The following MMP21 variants were observed in gnomAD, a reference collection of about 807,000 sequenced individuals.
The protein encoded by MMP21 is matrix metalloproteinase-21.
A neutral mutation model predicts 47.8 loss-of-function variants in MMP21; 40 were observed. The ratio of observed to expected loss-of-function variants is 0.84; its 90% confidence interval spans 0.65 to 1.09. The LOEUF (loss-of-function observed/expected upper bound fraction) is 1.09, where lower values mean the gene tolerates loss of function less well. MMP21 is among the 50% of genes least tolerant of loss of function. The pLI, the probability that MMP21 is intolerant of heterozygous loss-of-function variation, is 0.00. For synonymous variants in MMP21, 341 were observed against 318.0 expected (o/e 1.07, Z -0.77); for missense variants, 747 against 775.3 (o/e 0.96, Z 0.43).
At chr10:125,770,809 TCAAGAC>T (rs1394598160) in intron 4 of MMP21, among the ~76,000 whole-genome samples, 1 of 149,390 alleles carries the variant, frequency 6.7e-6, no homozygotes, top group Non-Finnish European at 1.5e-5. Context: ...TTGCTTGAGT[TCAAGAC>T]CAGCCTGGGC....
At chr10:125,768,818 C>G (rs553694105) in intron 5 of MMP21, among the ~76,000 whole-genome samples, 1 of 152,338 alleles carries the variant, frequency 6.6e-6, no homozygotes, top group South Asian at 2.1e-4. Flanking sequence ...TCTTAAAACC[C>G]TGAAAGATGT....
Position 125,770,663 on chromosome 10 carries a change from T to A in MMP21, c.980-72A>T. On this transcript the variant is annotated intron_variant, in intron 4 of 6. Transcript: ENST00000368808. ...AAAACTTATATTTTCATATGTGACT[T>A]GAATGAAGACAGTTGCAAAGCTGGG... is the stretch of plus-strand genomic sequence containing the variant. The A allele has an allele frequency of 3.9e-6, 6 of 1,534,074 alleles. No homozygotes were observed. In the South Asian group the frequency reaches 7.3e-5, roughly 19 times the overall value.
rs750254716 is a variant in MMP21 at position 125,772,171 on chromosome 10, TAC to T, written c.979+45_979+46del. 2 of 1,607,708 alleles carry T rather than the reference TAC, an allele frequency of 1.2e-6. No homozygotes were observed. The highest frequency in any genetic ancestry group is 1.7e-6 in the Non-Finnish European group (2 of 1,175,374). On this transcript the variant is annotated intron_variant, in intron 4 of 6. Transcript: ENST00000368808. The surrounding 1 kb of genome is among the most constrained non-coding windows in gnomAD (Gnocchi z 5.6). ...AGCGGGGTCCTACAGTGCTCTGGAA[TAC>T]AGTGTCCTCCGCTAGCTCAGGGATG...
chr10:125,771,650 A>G (rs568473089), intron 4 of MMP21, among the ~76,000 whole-genome samples: 1 of 152,148 alleles, frequency 6.6e-6, no homozygotes, highest in South Asian at 2.1e-4. Flanking sequence ...GAATCCGCCC[A>G]CCTTGGCCTC....
In MMP21 at chr10:125,774,176, C is replaced by T; in HGVS notation, c.352G>A (p.Gly118Arg). The change falls in exon 2 of 7, where the codon GGG becomes AGG. Residue 118 changes from glycine (G) to arginine (R), a missense_variant. Coordinates refer to ENST00000368808, the MANE Select transcript of MMP21 (RefSeq NM_147191.1). ...TLAAMNRPRC[G>R]VPDMRPPPPS... is the part of the protein sequence containing the mutation. ...GGCGGTGGGCGCATGTCCGGGACCCCGCAGCGCGGCCGGTTCATGGCCGCT... is the reference window on the plus strand; with the variant it reads ...GGCGGTGGGCGCATGTCCGGGACCCTGCAGCGCGGCCGGTTCATGGCCGCT... 7.1e-6 allele frequency: 9 copies of T among 1,274,314 alleles called. No individual in the cohort carries two copies. The highest frequency in any genetic ancestry group is 8.9e-6 in the Non-Finnish European group (9 of 1,014,212). The allele number at this position is 1,274,314 out of a possible 1,614,324, so 78.9% of individuals were successfully genotyped here. A position where few individuals can be genotyped will look rare whatever the true frequency, so the allele number is the denominator to read the frequency against.
chr10:125,774,442 A>G, intron 1 of MMP21, 77 bp from the exon 2 acceptor site: 1 of 1,008,812 alleles, frequency 9.9e-7, no homozygotes, highest in Non-Finnish European at 1.3e-6. Flanking sequence ...CAAAGTCTAG[A>G]GAGACAGAGA....
chr10:125,772,427 A>C lies in MMP21; in HGVS notation c.838-68T>G. The C allele has an allele frequency of 1.3e-6, 2 of 1,599,836 alleles. No individual in the cohort carries two copies. The highest frequency in any genetic ancestry group is 1.7e-6 in the Non-Finnish European group (2 of 1,170,736). ...CGATGGATCCCTGCATAACAGACGC[A>C]GGCCTGTGCTTCGAGAGGAGCGTTG... On this transcript the variant is annotated intron_variant, in intron 3 of 6. Coordinates refer to ENST00000368808, the MANE Select transcript of MMP21 (RefSeq NM_147191.1). This position sits in a 1 kb window ranked among gnomAD's most constrained non-coding sequence, Gnocchi z 5.6.
intron 1 of MMP21, among the ~76,000 whole-genome samples, chr10:125,775,404 A>G (rs987860273): frequency 6.6e-5 from 10 of 152,214 alleles, no homozygotes; most frequent in African/African-American, 2.2e-4. Context: ...TTGGCATTTG[A>G]GTCTGTTGTC....
At chr10:125,769,514 C>T (rs1850422642) in intron 5 of MMP21, among the ~76,000 whole-genome samples, 3 of 152,218 alleles carry the variant, frequency 2.0e-5, no homozygotes, top group African/African-American at 7.2e-5. Flanking sequence ...AACCCCACGG[C>T]TTCGCTTCTG....
chr10:125,774,496 A>C (rs1850494391), intron 1 of MMP21, 131 bp from the exon 2 acceptor site: 3 of 529,026 alleles, frequency 5.7e-6, no homozygotes, highest in Non-Finnish European at 8.8e-6. Flanking sequence ...AGAGACAGAC[A>C]GGGAGAAACA....
intron 6 of MMP21, 55 bp downstream of exon 6, chr10:125,767,477 G>GA: frequency 6.6e-7 from 1 of 1,514,850 alleles, no homozygotes; most frequent in South Asian, 1.2e-5. Flanking sequence ...GTCATCTGAC[G>GA]AATCTCTATT....
intron 1 of MMP21, among the ~76,000 whole-genome samples, chr10:125,775,103 G>T (rs1850503045): frequency 6.6e-6 from 1 of 152,178 alleles, no homozygotes. Context: ...AGGACCACGT[G>T]CCAGAGCAGG....
Position 125,775,776 on chromosome 10 carries a change from G to T in MMP21, c.46C>A (p.Leu16Met). 6.2e-7 allele frequency: 1 copy of T among 1,613,314 alleles called. No homozygotes were observed. Residue 16 changes from leucine to methionine, a missense_variant, in exon 1 of 7, where the codon CTG becomes ATG. Physicochemically the swap from Leu to Met is conservative, Grantham distance 15 (BLOSUM62 2). Coordinates refer to ENST00000368808, the MANE Select transcript of MMP21 (RefSeq NM_147191.1). ...IFRPTLLLCW[L>M]AAPWPTQPES... ...GGCTGGGTGGGCCAGGGAGCAGCCA[G>T]CCAGCAGAGCAGCAGTGTCGGACGG...
Position 125,775,554 on chromosome 10 carries a change from C to T in MMP21, c.162+106G>A, listed in dbSNP as rs1334672441. On this transcript the variant is annotated intron_variant, in intron 1 of 6. Coordinates refer to ENST00000368808, the MANE Select transcript of MMP21 (RefSeq NM_147191.1). ...CCCAGCCTGCCTGGCCCTTCTCTGCCTCTGCACAGCCGGCATCCTGGCCTG... is the reference window on the plus strand; with the variant it reads ...CCCAGCCTGCCTGGCCCTTCTCTGCTTCTGCACAGCCGGCATCCTGGCCTG... 8 of 1,410,092 alleles carry T rather than the reference C, an allele frequency of 5.7e-6. No homozygotes were observed. In the South Asian group the frequency reaches 6.3e-5, roughly 11 times the overall value. The allele number at this position is 1,410,092 out of a possible 1,614,324, so 87.3% of individuals were successfully genotyped here.
chr10:125,769,002 G>T (rs1850414944), intron 5 of MMP21, among the ~76,000 whole-genome samples: 1 of 152,144 alleles, frequency 6.6e-6, no homozygotes, highest in South Asian at 2.1e-4. Flanking sequence ...CTCTCACCTT[G>T]TTAAGTCTTT....
At position 125,772,786 on chromosome 10, in the gene MMP21, G is replaced by T. The variant is rs1392619532; in HGVS notation, c.698-36C>A. On this transcript the variant is annotated intron_variant, in intron 2 of 6. Coordinates refer to ENST00000368808, the MANE Select transcript of MMP21 (RefSeq NM_147191.1). This position sits in a 1 kb window ranked among gnomAD's most constrained non-coding sequence, Gnocchi z 5.6. ...GGAGGAGGAGTTGGTCCCGGTGAAGGATGAGTGCCCCCCATACAGACTCCT... is the reference window on the plus strand; with the variant it reads ...GGAGGAGGAGTTGGTCCCGGTGAAGTATGAGTGCCCCCCATACAGACTCCT... 1.2e-6 allele frequency: 2 copies of T among 1,605,962 alleles called. No homozygotes were observed. The highest frequency in any genetic ancestry group is 1.7e-5 in the Admixed American group (1 of 59,866).
At position 125,773,813 on chromosome 10, in the gene MMP21, AGCCCGGGGT is replaced by A; in HGVS notation, c.697+9_697+17del. On this transcript the variant is annotated intron_variant, in intron 2 of 6. Transcript: ENST00000368808. This position sits in a 1 kb window ranked among gnomAD's most constrained non-coding sequence, Gnocchi z 4.8. ...GAGGGGCTGGGTCGGGCAGGCAGGG[AGCCCGGGGT>A]GCTCTTACCTCTCCCAAAGCCCAGC... 1.3e-6 allele frequency: 2 copies of A among 1,491,728 alleles called. No individual in the cohort carries two copies. Among genetic ancestry groups the A allele is most frequent in the Non-Finnish European group, 1.8e-6 (2 of 1,126,236 alleles). The allele number at this position is 1,491,728 out of a possible 1,614,324, so 92.4% of individuals were successfully genotyped here. A position where few individuals can be genotyped will look rare whatever the true frequency, so the allele number is the denominator to read the frequency against.
chr10:125,772,521 G>T lies in MMP21; in HGVS notation c.837+90C>A, dbSNP rs559473041. ...CGGATTCACCTCCTCAGAGGTTGCGGACACTACATGAGAAAAGCTTGGACT... is the reference window on the plus strand; with the variant it reads ...CGGATTCACCTCCTCAGAGGTTGCGTACACTACATGAGAAAAGCTTGGACT... On this transcript the variant is annotated intron_variant, in intron 3 of 6. Transcript: ENST00000368808. This position sits in a 1 kb window ranked among gnomAD's most constrained non-coding sequence, Gnocchi z 5.6. 6.3e-7 allele frequency: 1 copy of T among 1,594,034 alleles called. No individual in the cohort carries two copies. The highest frequency in any genetic ancestry group is 8.6e-7 in the Non-Finnish European group (1 of 1,163,880).
chr10:125,769,315 T>G lies in MMP21; in HGVS notation c.1237+1019A>C, dbSNP rs149048218. Among the ~76,000 whole-genome samples the G allele has an allele frequency of 7.0e-4, 107 of 152,308 alleles. No homozygotes were observed. In the Middle Eastern group the frequency reaches 0.01, roughly 15 times the overall value. ...CAGTCTCTGTCTTCCAGCAAAACAC[T>G]GACCTTCCATGTTGAGCAATTGCCA... On this transcript the variant is annotated intron_variant, in intron 5 of 6. Transcript: ENST00000368808.
Sources: allele counts gnomAD v4.1 joint callset (sites outside exome capture counted in the v4.1 genomes callset), GRCh38; gene constraint gnomAD v4.1.1; non-coding constraint Gnocchi (gnomAD v3.1); transcripts MANE v1.5; gene names NCBI Gene and HGNC (gene_info 2026-07-23, HGNC 2026-07-21).